The following TENM4 variants were observed in gnomAD, a reference collection of about 807,000 sequenced individuals.
The protein encoded by TENM4 is teneurin-4.
Under a neutral mutation model 243.3 loss-of-function variants are expected in TENM4, and 82 were observed. The observed-to-expected ratio is 0.34, with a 90% CI of 0.28 to 0.40. The LOEUF (loss-of-function observed/expected upper bound fraction) is 0.40. Among genes scored for constraint, TENM4 ranks in the 10% least tolerant of loss-of-function variants. TENM4 has a pLI of 1.00. For synonymous variants in TENM4, 1,412 were observed against 1,456.3 expected, an observed-to-expected ratio of 0.97 and a Z score of 0.69; for missense variants, 3,138 against 3,673.3, an observed-to-expected ratio of 0.85 and a Z score of 3.77.
At chr11:79,437,623 G>A (rs1016456951) in intron 1 of TENM4, among the ~76,000 whole-genome samples, 1 of 152,230 alleles carries the variant, frequency 6.6e-6, no homozygotes, top group Non-Finnish European at 1.5e-5. Flanking sequence ...AGTCGCGGCC[G>A]ACTCCTGTAC....
chr11:79,255,393 G>A (rs558558375), intron 2 of TENM4, among the ~76,000 whole-genome samples: 11 of 152,296 alleles, frequency 7.2e-5, no homozygotes, highest in African/African-American at 2.6e-4. Flanking sequence ...CAAGCCTGCA[G>A]CCAGGTATCC....
intron 9 of TENM4, among the ~76,000 whole-genome samples, chr11:78,864,059 G>C (rs146676647): frequency 6.6e-6 from 1 of 152,156 alleles, no homozygotes; most frequent in African/African-American, 2.4e-5. Flanking sequence ...ATGCAGAAGT[G>C]TATTTGATAT....
chr11:78,998,356 C>T, intron 6 of TENM4, among the ~76,000 whole-genome samples: 1 of 152,140 alleles, frequency 6.6e-6, no homozygotes, highest in Admixed American at 6.5e-5. Flanking sequence ...TCAGTCTCAC[C>T]TAGACGTTGT....
At chr11:78,885,500 C>T (rs1346557278) in intron 9 of TENM4, among the ~76,000 whole-genome samples, 4 of 152,254 alleles carry the variant, frequency 2.6e-5, no homozygotes, top group South Asian at 2.1e-4. Flanking sequence ...CTCTGGCTTC[C>T]GCAGTCTCTG....
intron 22 of TENM4, among the ~76,000 whole-genome samples, chr11:78,728,202 C>T (rs1042895295): frequency 2.6e-5 from 4 of 152,094 alleles, no homozygotes; most frequent in African/African-American, 7.2e-5. Flanking sequence ...CCCACTGTGC[C>T]CTTCTTTGGT....
chr11:78,652,953 T>C lies in TENM4; in HGVS notation c.*5105A>G, dbSNP rs1306386173. The C allele has an allele frequency of 6.6e-6, 1 of 152,230 alleles. No homozygotes were observed. The highest frequency in any genetic ancestry group is 1.9e-4 in the East Asian group (1 of 5,196). 9.4% of individuals were successfully genotyped at this position (152,230 alleles called of 1,614,324 possible). A position where few individuals can be genotyped will look rare whatever the true frequency, so the allele number is the denominator to read the frequency against. On this transcript the variant is annotated 3_prime_UTR_variant, in exon 34 of 34. Coordinates refer to ENST00000278550, the MANE Select transcript of TENM4 (RefSeq NM_001098816.3). ...GCAAGGCTCCCTCCTCTGGGAGGGTTGGGTTCGTTGGCCCCTTCAGCCTGT... is the reference window on the plus strand; with the variant it reads ...GCAAGGCTCCCTCCTCTGGGAGGGTCGGGTTCGTTGGCCCCTTCAGCCTGT...
chr11:79,323,279 A>C (rs1312279538), intron 1 of TENM4, among the ~76,000 whole-genome samples: 1 of 152,210 alleles, frequency 6.6e-6, no homozygotes, highest in Non-Finnish European at 1.5e-5. Flanking sequence ...ATATAGTAAA[A>C]TTGGCTAGGC....
intron 1 of TENM4, among the ~76,000 whole-genome samples, chr11:79,320,397 C>G (rs1856868908): frequency 6.6e-6 from 1 of 152,208 alleles, no homozygotes; most frequent in Non-Finnish European, 1.5e-5. Context: ...AGGAATCTTA[C>G]TTTAAAATCA....
chr11:79,115,725 G>A (rs1320769688), intron 4 of TENM4, among the ~76,000 whole-genome samples: 3 of 152,186 alleles, frequency 2.0e-5, no homozygotes, highest in Admixed American at 2.0e-4. Context: ...CAAGACATCA[G>A]AACCCTGCAA....
chr11:79,114,862 G>A (rs1057433879), intron 4 of TENM4, among the ~76,000 whole-genome samples: 2 of 152,218 alleles, frequency 1.3e-5, no homozygotes, highest in African/African-American at 4.8e-5. Context: ...CCTGCCATAT[G>A]TGCAGAGTCA....
At chr11:79,004,029 T>A (rs1378732926) in intron 6 of TENM4, among the ~76,000 whole-genome samples, 10 of 143,440 alleles carry the variant, frequency 7.0e-5, no homozygotes, top group Admixed American at 4.8e-4. Context: ...CCAACAAAGA[T>A]CAAAAAAGAC....
chr11:78,908,227 T>C (rs1483562606), intron 6 of TENM4, among the ~76,000 whole-genome samples: 2 of 152,220 alleles, frequency 1.3e-5, no homozygotes. Context: ...CTCTGCCACT[T>C]AGAAGCTGTG....
intron 1 of TENM4, among the ~76,000 whole-genome samples, chr11:79,399,329 T>C (rs2135553083): frequency 6.6e-6 from 1 of 152,336 alleles, no homozygotes; most frequent in Middle Eastern, 3.4e-3. Context: ...GTTTCCCATA[T>C]TTACATGGGT....
rs1037136501 is a variant in TENM4 at position 79,140,753 on chromosome 11, A to G, written c.-66+7957T>C. Among the ~76,000 whole-genome samples the G allele has an allele frequency of 3.3e-5, 5 of 152,264 alleles. No individual in the cohort carries two copies. In the East Asian group the frequency reaches 7.7e-4, roughly 24 times the overall value. ...TATTCTCCAAATGTATTTTCTTCAC[A>G]GTTTTCTAACTTCTAAAACCATCAA... On this transcript the variant is annotated intron_variant, in intron 4 of 33. Transcript: ENST00000278550.
intron 1 of TENM4, among the ~76,000 whole-genome samples, chr11:79,387,296 G>C (rs1858136598): frequency 6.6e-6 from 1 of 152,170 alleles, no homozygotes; most frequent in African/African-American, 2.4e-5. Context: ...TCTATTTCAT[G>C]TTCTATTTAA....
chr11:78,888,210 T>C (rs1463708249), intron 9 of TENM4, among the ~76,000 whole-genome samples: 6 of 152,278 alleles, frequency 3.9e-5, no homozygotes, highest in Admixed American at 2.6e-4. Flanking sequence ...ATATTCTCCA[T>C]TTCTGTGACC....
chr11:78,820,951 C>A (rs1228460331), intron 12 of TENM4, among the ~76,000 whole-genome samples: 2 of 152,240 alleles, frequency 1.3e-5, no homozygotes, highest in African/African-American at 4.8e-5. Flanking sequence ...GTTCCATGGC[C>A]TGTGATGTGT....
chr11:79,299,047 T>G (rs980849678), intron 1 of TENM4, among the ~76,000 whole-genome samples: 1 of 147,922 alleles, frequency 6.8e-6, no homozygotes, highest in Non-Finnish European at 1.5e-5. Flanking sequence ...AAGTCATAGG[T>G]GTGAGGTGCT....
At chr11:79,172,048 C>T (rs1474712430) in intron 3 of TENM4, among the ~76,000 whole-genome samples, 1 of 152,164 alleles carries the variant, frequency 6.6e-6, no homozygotes, top group Non-Finnish European at 1.5e-5. Context: ...AATTCCTGGA[C>T]TTAAGGGATC....
Sources: gnomAD v4.1 joint callset for allele counts (sites outside exome capture counted in the v4.1 genomes callset) on GRCh38, gnomAD v4.1.1 for gene constraint, MANE v1.5 for transcripts, NCBI Gene and HGNC (gene_info 2026-07-23, HGNC 2026-07-21) for gene names.